The following CDH18 variants were observed in gnomAD, a reference collection of about 807,000 sequenced individuals.
The protein encoded by CDH18 is cadherin 18.
In CDH18, 31 loss-of-function variants were observed where a neutral mutation model predicts 67.9. The ratio of observed to expected loss-of-function variants is 0.46; its 90% CI spans 0.34 to 0.62. The LOEUF is 0.62. Among genes scored for constraint, CDH18 ranks in the 20% least tolerant of loss-of-function variants. The pLI is 0.01. For synonymous variants in CDH18, 362 were observed against 347.2 expected (o/e 1.04, Z -0.48); for missense variants, 890 against 975.5 (o/e 0.91, Z 1.17).
At chr5:19,893,422 AG>A (rs1788980972) in intron 2 of CDH18, among the ~76,000 whole-genome samples, 1 of 152,178 alleles carries the variant, frequency 6.6e-6, no homozygotes, top group Non-Finnish European at 1.5e-5. Flanking sequence ...TCTAGACACA[AG>A]GAATTGCTGA....
chr5:20,126,594 A>G (rs1748849290), intron 2 of CDH18, among the ~76,000 whole-genome samples: 1 of 152,326 alleles, frequency 6.6e-6, no homozygotes, highest in Non-Finnish European at 1.5e-5. Context: ...AAGTACATTT[A>G]AAAAGTCTTT....
intron 1 of CDH18, among the ~76,000 whole-genome samples, chr5:20,518,234 C>T (rs1240655234): frequency 6.6e-6 from 1 of 152,098 alleles, no homozygotes; most frequent in Non-Finnish European, 1.5e-5. Flanking sequence ...CAGCCAAATC[C>T]AATTTTGCAT....
chr5:20,533,717 C>T (rs1483000410), intron 1 of CDH18, among the ~76,000 whole-genome samples: 2 of 151,904 alleles, frequency 1.3e-5, no homozygotes, highest in Non-Finnish European at 1.5e-5. Flanking sequence ...ATTTATTATC[C>T]TTTTTACATT....
chr5:19,687,763 A>G (rs1251342457), intron 5 of CDH18, among the ~76,000 whole-genome samples: 1 of 152,190 alleles, frequency 6.6e-6, no homozygotes, highest in Non-Finnish European at 1.5e-5. Flanking sequence ...GGCTTCCGCC[A>G]CAGAAAGAAG....
intron 2 of CDH18, among the ~76,000 whole-genome samples, chr5:19,909,203 T>C (rs555579117): frequency 2.6e-5 from 4 of 152,120 alleles, no homozygotes; most frequent in Admixed American, 6.5e-5. Flanking sequence ...AACTCCACAA[T>C]ATATTTTTAA....
intron 2 of CDH18, among the ~76,000 whole-genome samples, chr5:19,901,842 T>C (rs1260630537): frequency 6.6e-6 from 1 of 151,892 alleles, no homozygotes; most frequent in Non-Finnish European, 1.5e-5. Context: ...ATATATAATA[T>C]ATAAAATGAC....
chr5:19,632,304 C>CAATA, intron 5 of CDH18, among the ~76,000 whole-genome samples: 1 of 152,208 alleles, frequency 6.6e-6, no homozygotes, highest in South Asian at 2.1e-4. Context: ...GAATGGTGAG[C>CAATA]TATTTGTTTT....
intron 5 of CDH18, among the ~76,000 whole-genome samples, chr5:19,658,235 CAAT>C (rs901329137): frequency 3.9e-5 from 6 of 152,002 alleles, no homozygotes; most frequent in African/African-American, 1.4e-4. Flanking sequence ...GCTAAAAAGA[CAAT>C]GATCTTTCCT....
chr5:20,247,722 C>T (rs527573951), intron 2 of CDH18, among the ~76,000 whole-genome samples: 6 of 149,830 alleles, frequency 4.0e-5, no homozygotes, highest in Non-Finnish European at 8.9e-5. Flanking sequence ...AGAGATCACG[C>T]CACTGCACTC....
At chr5:19,818,339 C>T (rs1448445245) in intron 3 of CDH18, among the ~76,000 whole-genome samples, 1 of 152,072 alleles carries the variant, frequency 6.6e-6, no homozygotes, top group African/African-American at 2.4e-5. Context: ...TGATGTATGA[C>T]ATGAATTGTA....
intron 1 of CDH18, among the ~76,000 whole-genome samples, chr5:20,258,961 G>A (rs888077311): frequency 1.3e-5 from 2 of 152,062 alleles, no homozygotes; most frequent in Non-Finnish European, 1.5e-5. Context: ...TAGGTAAGCC[G>A]TGTCCAAACT....
intron 5 of CDH18, among the ~76,000 whole-genome samples, chr5:19,705,212 T>G (rs1457553015): frequency 6.6e-6 from 1 of 152,192 alleles, no homozygotes; most frequent in Non-Finnish European, 1.5e-5. Context: ...TTATGATCAC[T>G]TGCAAAATTT....
chr5:19,684,602 T>C (rs1004901633), intron 5 of CDH18, among the ~76,000 whole-genome samples: 1 of 151,562 alleles, frequency 6.6e-6, no homozygotes, highest in African/African-American at 2.4e-5. Flanking sequence ...ATTTTTAGAG[T>C]CTTCTACATT....
At chr5:19,631,609 T>C (rs981427013) in intron 5 of CDH18, among the ~76,000 whole-genome samples, 4 of 152,096 alleles carry the variant, frequency 2.6e-5, no homozygotes, top group Non-Finnish European at 4.4e-5. Flanking sequence ...GAAAGACTTA[T>C]GAAGTCTGTT....
chr5:20,092,140 C>T (rs1158779344), intron 2 of CDH18, among the ~76,000 whole-genome samples: 4 of 151,982 alleles, frequency 2.6e-5, no homozygotes, highest in African/African-American at 7.3e-5. Context: ...TCATTTCAAC[C>T]GGGGGCTTGA....
chr5:20,180,065 T>A (rs2126679879), intron 2 of CDH18, among the ~76,000 whole-genome samples: 1 of 152,158 alleles, frequency 6.6e-6, no homozygotes, highest in East Asian at 1.9e-4. Flanking sequence ...CAATGCCAGG[T>A]TGGACTGCCA....
chr5:20,354,550 G>A (rs2150062317), intron 1 of CDH18, among the ~76,000 whole-genome samples: 1 of 152,222 alleles, frequency 6.6e-6, no homozygotes, highest in Non-Finnish European at 1.5e-5. Context: ...CTTCAGGTGT[G>A]CACCCCACAC....
chr5:19,867,138 C>T (rs1290357332), intron 2 of CDH18, among the ~76,000 whole-genome samples: 3 of 152,068 alleles, frequency 2.0e-5, no homozygotes, highest in Non-Finnish European at 4.4e-5. Context: ...CACTCACCTC[C>T]TGCAAAGAAA....
intron 2 of CDH18, among the ~76,000 whole-genome samples, chr5:20,185,991 G>A (rs1397597980): frequency 6.6e-6 from 1 of 151,834 alleles, no homozygotes; most frequent in African/African-American, 2.4e-5. Context: ...AGAGGAAAAT[G>A]GTAGAGGCAA....
Sources: gnomAD v4.1 joint callset for allele counts (sites outside exome capture counted in the v4.1 genomes callset) on GRCh38, gnomAD v4.1.1 for gene constraint, MANE v1.5 for transcripts, NCBI Gene and HGNC (gene_info 2026-07-23, HGNC 2026-07-21) for gene names.